The following SNTA1 variants were observed in gnomAD, a reference collection of about 807,000 sequenced individuals.
The protein encoded by SNTA1 is alpha-1-syntrophin.
In SNTA1, 31 loss-of-function variants were observed where a neutral mutation model predicts 47.1. The ratio of observed to expected loss-of-function variants is 0.66; its 90% CI spans 0.49 to 0.89. SNTA1 has a LOEUF of 0.89. Among genes scored for constraint, SNTA1 ranks in the 40% least tolerant of loss-of-function variants. The probability of loss-of-function intolerance (pLI) is 0.00; values close to 1 mark genes in which losing one functional copy is unlikely to be tolerated. For synonymous variants in SNTA1, 300 were observed against 313.6 expected, an observed-to-expected ratio of 0.96 and a Z score of 0.46; for missense variants, 575 against 693.0, an observed-to-expected ratio of 0.83 and a Z score of 1.91.
In SNTA1 at chr20:33,412,682, C is replaced by G. The variant is rs1989772779; in HGVS notation, c.802G>C (p.Val268Leu). 6.2e-7 allele frequency: 1 copy of G among 1,613,748 alleles called. No homozygotes were observed. ...RSWATAIQAQ[V>L]NTLTPRVKDE... ...TTGACCCGCGGCGTCAGAGTATTGACCTGGGCTTGGATGGCAGTCGCCCAC... is the reference window on the plus strand; with the variant it reads ...TTGACCCGCGGCGTCAGAGTATTGAGCTGGGCTTGGATGGCAGTCGCCCAC... Residue 268 changes from valine to leucine, a missense_variant, in exon 4 of 8, where the codon GTC (valine) becomes CTC (leucine). Val to Leu is a conservative substitution (Grantham distance 32). Transcript: ENST00000217381.
At chr20:33,411,553 C>T (rs1989741232) in intron 5 of SNTA1, among the ~76,000 whole-genome samples, 1 of 152,196 alleles carries the variant, frequency 6.6e-6, no homozygotes, top group Admixed American at 6.6e-5. Flanking sequence ...CACTTCCATC[C>T]TGCACTCTCC....
chr20:33,439,026 C>G lies in SNTA1; in HGVS notation c.311G>C (p.Gly104Ala). The G allele has an allele frequency of 1.9e-6, 3 of 1,613,956 alleles. No homozygotes were observed. The highest frequency in any genetic ancestry group is 2.5e-6 in the Non-Finnish European group (3 of 1,179,850). The change falls in exon 2 of 8, where the codon GGC becomes GCC. Residue 104 changes from glycine to alanine, a missense_variant and splice_region_variant. Transcript: ENST00000217381. ...DAGGLGISIK[G>A]GRENKMPILI... ...AATAGGCATCTTGTTCTCCCGGCCG[C>G]CTGCACAGGTACAGAAGGAGGACAA...
chr20:33,412,830 G>T, intron 3 of SNTA1, 48 bp from the exon 4 acceptor site: 1 of 1,365,844 alleles, frequency 7.3e-7, no homozygotes, highest in Non-Finnish European at 1.0e-6. Flanking sequence ...TTAGGCTGCA[G>T]CTGCCCAACC....
chr20:33,433,159 A>G (rs1483532823), intron 2 of SNTA1, among the ~76,000 whole-genome samples: 1 of 151,730 alleles, frequency 6.6e-6, no homozygotes, highest in Non-Finnish European at 1.5e-5. Flanking sequence ...CGAACTCCTG[A>G]CCTCAGGTGG....
chr20:33,410,130 C>A lies in SNTA1; in HGVS notation c.1237+5G>T, dbSNP rs767297242. On this transcript the variant is annotated splice_donor_5th_base_variant and intron_variant, in intron 6 of 7. Transcript: ENST00000217381. ...GAGGGACACTCCCAGATCCTCCCAG[C>A]ACACCTGTAGACACCTCCTGCACAC... is the stretch of plus-strand genomic sequence containing the variant. The A allele has an allele frequency of 6.2e-7, 1 of 1,614,184 alleles. No individual in the cohort carries two copies.
At chr20:33,423,279 G>C (rs759653315) in intron 2 of SNTA1, among the ~76,000 whole-genome samples, 4 of 152,152 alleles carry the variant, frequency 2.6e-5, no homozygotes, top group African/African-American at 4.8e-5. Flanking sequence ...GTGGGGGTGG[G>C]GTCCTGGGGG....
At chr20:33,434,363 A>G (rs958917779) in intron 2 of SNTA1, among the ~76,000 whole-genome samples, 2 of 152,124 alleles carry the variant, frequency 1.3e-5, no homozygotes, top group Admixed American at 6.6e-5. Context: ...TCTTGAGTGG[A>G]ATGACCTCCT....
intron 2 of SNTA1, among the ~76,000 whole-genome samples, chr20:33,429,488 G>A (rs1246487048): frequency 6.6e-6 from 1 of 151,540 alleles, no homozygotes; most frequent in African/African-American, 2.4e-5. Context: ...AAATTAGCCA[G>A]ATGTGTTGGT....
At chr20:33,429,994 T>C (rs896637756) in intron 2 of SNTA1, among the ~76,000 whole-genome samples, 3 of 152,180 alleles carry the variant, frequency 2.0e-5, no homozygotes, top group African/African-American at 7.2e-5. Flanking sequence ...CTGGATATTT[T>C]TGAATGAGTA....
chr20:33,443,548 C>A lies in SNTA1; in HGVS notation c.73G>T (p.Gly25Cys). Residue 25 changes from glycine to cysteine, a missense_variant, in exon 1 of 8, where the codon GGC becomes TGC. Physicochemically the swap from Gly to Cys is radical, Grantham distance 159. Coordinates refer to ENST00000217381, the MANE Select transcript of SNTA1 (RefSeq NM_003098.3). ...AGCAGCACCCGCTGCCATCGCTCGC[C>A]GCCGGCCCCCGAGCCCGCCCCGGCG... ...LRAGAGSGAG[G>C]ERWQRVLLSL... The A allele has an allele frequency of 7.5e-7, 1 of 1,337,604 alleles. No homozygotes were observed. Among genetic ancestry groups the A allele is most frequent in the Non-Finnish European group, 9.6e-7 (1 of 1,036,948 alleles). 82.9% of individuals were successfully genotyped at this position (1,337,604 alleles called of 1,614,324 possible). A position where few individuals can be genotyped will look rare whatever the true frequency, so the allele number is the denominator to read the frequency against.
intron 2 of SNTA1, among the ~76,000 whole-genome samples, chr20:33,424,767 A>C (rs1600851017): frequency 6.6e-6 from 1 of 150,642 alleles, no homozygotes; most frequent in African/African-American, 2.4e-5. Context: ...ACCCATCTCA[A>C]CCTCCAATGT....
chr20:33,409,016 C>T (rs1989672404), intron 6 of SNTA1, 128 bp from the exon 7 acceptor site: 5 of 823,144 alleles, frequency 6.1e-6, no homozygotes, highest in South Asian at 2.9e-5. Context: ...CACTGTTTGT[C>T]GTGGCACCAG....
Position 33,443,531 on chromosome 20 carries a change from CCGCTGCCATCGCT to C in SNTA1, c.77_89del (p.Glu26GlyfsTer4). 1 of 1,349,778 alleles carries C rather than the reference CCGCTGCCATCGCT, an allele frequency of 7.4e-7. No individual in the cohort carries two copies. The allele number at this position is 1,349,778 out of a possible 1,614,324, so 83.6% of individuals were successfully genotyped here. A position where few individuals can be genotyped will look rare whatever the true frequency, so the allele number is the denominator to read the frequency against. ...CGTCCTCCGCCAGACTCAGCAGCAC[CCGCTGCCATCGCT>C]CGCCGCCGGCCCCCGAGCCCGCCCC... On this transcript the variant is annotated frameshift_variant, in exon 1 of 8. Coordinates refer to ENST00000217381, the MANE Select transcript of SNTA1 (RefSeq NM_003098.3). LOFTEE classifies it high-confidence loss of function.
At chr20:33,418,070 T>G in intron 2 of SNTA1, 147 bp from the exon 3 acceptor site, 2 of 624,236 alleles carry the variant, frequency 3.2e-6, no homozygotes, top group Non-Finnish European at 5.7e-6. Context: ...TAACAAATTC[T>G]TCTAAGTTAA....
At chr20:33,435,078 C>T (rs1035792258) in intron 2 of SNTA1, among the ~76,000 whole-genome samples, 2 of 150,090 alleles carry the variant, frequency 1.3e-5, no homozygotes, top group Non-Finnish European at 3.0e-5. Context: ...CTGCAACCTC[C>T]GCCTCCCGTG....
intron 3 of SNTA1, 66 bp downstream of exon 3, chr20:33,417,653 C>A: frequency 8.8e-7 from 1 of 1,139,830 alleles, no homozygotes. Context: ...AGGTGTCTTT[C>A]CATTGGTCCC....
intron 2 of SNTA1, among the ~76,000 whole-genome samples, chr20:33,422,236 C>A (rs890322331): frequency 1.1e-4 from 17 of 151,406 alleles, no homozygotes; most frequent in African/African-American, 3.9e-4. Flanking sequence ...GTCAGGAGAT[C>A]GAGACCATCT....
intron 2 of SNTA1, among the ~76,000 whole-genome samples, chr20:33,428,818 A>C (rs535997739): frequency 1.3e-5 from 2 of 152,052 alleles, no homozygotes; most frequent in Non-Finnish European, 2.9e-5. Context: ...AGGCAGGTGG[A>C]TTGCTTGAGG....
At position 33,432,526 on chromosome 20, in the gene SNTA1, T is replaced by A. The variant is rs115705330; in HGVS notation, c.496+6315A>T. Among the ~76,000 whole-genome samples the A allele has an allele frequency of 7.7e-3, 1,180 of 152,296 alleles. 15 individuals are homozygous for A. Among genetic ancestry groups the A allele is most frequent in the African/African-American group, 0.027 (1,120 of 41,560 alleles). ...TGGGCTCAGTGCCAGACCTGGGGGC[T>A]GAGAGACAAGCTACATGTGGTTCCT... On this transcript the variant is annotated intron_variant, in intron 2 of 7. Coordinates refer to ENST00000217381, the MANE Select transcript of SNTA1 (RefSeq NM_003098.3).
Sources: gnomAD v4.1 joint callset for allele counts (sites outside exome capture counted in the v4.1 genomes callset) on GRCh38, gnomAD v4.1.1 for gene constraint, MANE v1.5 for transcripts, NCBI Gene and HGNC (gene_info 2026-07-23, HGNC 2026-07-21) for gene names.